The following TRAPPC9 variants were observed in gnomAD, a reference collection of about 807,000 sequenced individuals.
The protein encoded by TRAPPC9 is IKK2 binding protein.
TRAPPC9 carries 83 observed loss-of-function variants against 124.0 expected under a neutral mutation model. The ratio of observed to expected loss-of-function variants is 0.67; its 90% CI spans 0.56 to 0.80. TRAPPC9 has a LOEUF of 0.80. Ranked by LOEUF, TRAPPC9 falls within the 30% of genes least tolerant of loss-of-function variation. The pLI, the probability that TRAPPC9 is intolerant of heterozygous loss-of-function variation, is 0.00. For synonymous variants in TRAPPC9, 638 were observed against 617.5 expected (o/e 1.03, Z -0.49); for missense variants, 1,302 against 1,508.3 (o/e 0.86, Z 2.27).
chr8:139,974,089 G>A (rs369126083), intron 19 of TRAPPC9, among the ~76,000 whole-genome samples: 3 of 152,214 alleles, frequency 2.0e-5, no homozygotes, highest in Admixed American at 6.5e-5. Flanking sequence ...GAGAGGCGGT[G>A]AGGAAAGGAG....
intron 2 of TRAPPC9, among the ~76,000 whole-genome samples, chr8:140,444,097 A>G (rs1360155078): frequency 6.7e-6 from 1 of 149,072 alleles, no homozygotes; most frequent in Non-Finnish European, 1.5e-5. Context: ...CTGTAGTCCC[A>G]GCTACTCAGG....
At chr8:140,093,018 G>A (rs1276667598) in intron 17 of TRAPPC9, among the ~76,000 whole-genome samples, 4 of 148,430 alleles carry the variant, frequency 2.7e-5, no homozygotes, top group African/African-American at 1.0e-4. Flanking sequence ...CCTAATGCAA[G>A]TATCTGAATG....
chr8:140,264,572 C>T (rs1418979412), intron 15 of TRAPPC9, among the ~76,000 whole-genome samples: 7 of 65,088 alleles, frequency 1.1e-4, no homozygotes, highest in Admixed American at 7.3e-4. Context: ...AAAAACGGGG[C>T]GGGGGAAAGA....
rs2071731896 is a variant in TRAPPC9, at chr8:140,457,624, C to G, written c.-11+15G>C. ...CCGAATTGCCTGACCGGGAGCCCCC[C>G]CGCTTTGCACTTACACAGCCGGTGG... is the stretch of plus-strand genomic sequence containing the variant. On this transcript the variant is annotated intron_variant, in intron 1 of 22. Coordinates refer to ENST00000438773, the MANE Select transcript of TRAPPC9 (RefSeq NM_001160372.4). 3 of 985,690 alleles carry G rather than the reference C, an allele frequency of 3.0e-6. No individual in the cohort carries two copies. Among genetic ancestry groups the G allele is most frequent in the Admixed American group, 6.1e-5 (1 of 16,274 alleles). The allele number at this position is 985,690 out of a possible 1,614,324, so 61.1% of individuals were successfully genotyped here. A position where few individuals can be genotyped will look rare whatever the true frequency, so the allele number is the denominator to read the frequency against.
chr8:140,120,657 TCCATCCAC>T (rs1245128097), intron 17 of TRAPPC9, among the ~76,000 whole-genome samples: 1 of 144,038 alleles, frequency 6.9e-6, no homozygotes, highest in East Asian at 2.2e-4. Flanking sequence ...CATCCATTCA[TCCATCCAC>T]CCATCCATCC....
chr8:140,404,357 G>T (rs551748720), intron 6 of TRAPPC9, among the ~76,000 whole-genome samples: 1 of 152,208 alleles, frequency 6.6e-6, no homozygotes, highest in East Asian at 1.9e-4. Flanking sequence ...ATCCACGAGA[G>T]AATAATTAAG....
chr8:139,829,042 G>A (rs1825806733), intron 21 of TRAPPC9, among the ~76,000 whole-genome samples: 1 of 152,028 alleles, frequency 6.6e-6, no homozygotes, highest in South Asian at 2.1e-4. Context: ...GCAGAATGGA[G>A]GAAGAAAAAA....
intron 21 of TRAPPC9, among the ~76,000 whole-genome samples, chr8:139,835,100 C>A (rs192920174): frequency 9.2e-5 from 14 of 152,138 alleles, no homozygotes; most frequent in Non-Finnish European, 1.9e-4. Context: ...ACTGGGTTTT[C>A]GCTGTTAATG....
chr8:140,233,654 A>AC (rs1563868284), intron 16 of TRAPPC9, among the ~76,000 whole-genome samples: 40 of 38,236 alleles, frequency 1.0e-3, no homozygotes, highest in African/African-American at 3.4e-3. Context: ...CACACACATA[A>AC]ACACACCCTC....
chr8:140,053,619 TTTTCTGTCTGGATG>T (rs1842124035), intron 17 of TRAPPC9, among the ~76,000 whole-genome samples: 1 of 152,224 alleles, frequency 6.6e-6, no homozygotes, highest in Non-Finnish European at 1.5e-5. Flanking sequence ...TCCTTCCTCA[TTTTCTGTCTGGATG>T]TTATCCATTC....
At chr8:140,336,729 C>T (rs563158944) in intron 9 of TRAPPC9, among the ~76,000 whole-genome samples, 1 of 152,266 alleles carries the variant, frequency 6.6e-6, no homozygotes, top group East Asian at 1.9e-4. Flanking sequence ...CCTTGTCTTT[C>T]AAACAAATGA....
At chr8:140,275,263 G>A (rs1457050488) in intron 15 of TRAPPC9, among the ~76,000 whole-genome samples, 1 of 152,332 alleles carries the variant, frequency 6.6e-6, no homozygotes, top group South Asian at 2.1e-4. Flanking sequence ...AACTACACGA[G>A]CTGGATGCAT....
upstream of TRAPPC9, chr8:140,457,768 T>A: frequency 3.0e-6 from 3 of 1,003,390 alleles, no homozygotes; most frequent in Non-Finnish European, 3.6e-6. Flanking sequence ...GCGCTGCTCC[T>A]GCGCGTGCGC....
At chr8:139,739,251 A>C (rs6578043) in intron 21 of TRAPPC9, among the ~76,000 whole-genome samples, 131,576 of 152,104 alleles carry the variant, frequency 0.87, 56,981 homozygotes, top group East Asian at 0.89. Context: ...CAGCCTGGGA[A>C]ACGTCCGGTG....
intron 19 of TRAPPC9, among the ~76,000 whole-genome samples, chr8:139,971,214 C>G (rs1836044787): frequency 6.6e-6 from 1 of 152,172 alleles, no homozygotes; most frequent in Non-Finnish European, 1.5e-5. Context: ...CATGACCGTC[C>G]CTTCCCTCAC....
intron 17 of TRAPPC9, chr8:140,081,946 C>T (rs1485159122): frequency 6.6e-6 from 1 of 152,328 alleles, no homozygotes; most frequent in East Asian, 1.9e-4. Context: ...GATGTTGGTA[C>T]CATCTCTGCC....
At chr8:140,371,935 T>A (rs2068294081) in intron 7 of TRAPPC9, among the ~76,000 whole-genome samples, 1 of 152,192 alleles carries the variant, frequency 6.6e-6, no homozygotes, top group Admixed American at 6.5e-5. Flanking sequence ...ACTCCTGACC[T>A]CAGGTGATCT....
intron 7 of TRAPPC9, among the ~76,000 whole-genome samples, chr8:140,390,437 T>C (rs955121103): frequency 6.6e-6 from 1 of 152,218 alleles, no homozygotes; most frequent in Non-Finnish European, 1.5e-5. Context: ...TCTCAATGCC[T>C]TCCTGGGTTA....
intron 17 of TRAPPC9, among the ~76,000 whole-genome samples, chr8:140,219,838 C>G (rs1209117964): frequency 6.6e-6 from 1 of 152,228 alleles, no homozygotes; most frequent in Non-Finnish European, 1.5e-5. Flanking sequence ...CCATGAGCCA[C>G]TGACCCTGGC....
Sources: allele counts gnomAD v4.1 joint callset (sites outside exome capture counted in the v4.1 genomes callset), GRCh38; gene constraint gnomAD v4.1.1; transcripts MANE v1.5; gene names NCBI Gene and HGNC (gene_info 2026-07-23, HGNC 2026-07-21).